The following EYS variants were observed in gnomAD, a reference collection of about 807,000 sequenced individuals.
EYS encodes the protein EGF-like photoreceptor maintenance factor.
EYS carries 250 observed loss-of-function variants against 282.1 expected under a neutral mutation model. The ratio of observed to expected loss-of-function variants is 0.89; its 90% CI spans 0.80 to 0.98. The LOEUF is 0.98. Among genes scored for constraint, EYS ranks in the 50% least tolerant of loss-of-function variants. The pLI is 0.00. For missense variants in EYS, 4,016 were observed against 3,709.0 expected (o/e 1.08, Z -2.15); for synonymous variants, 1,355 against 1,282.9 (o/e 1.06, Z -1.20).
chr6:64,598,419 C>T (rs1766656701), intron 24 of EYS, among the ~76,000 whole-genome samples: 2 of 152,208 alleles, frequency 1.3e-5, no homozygotes, highest in Admixed American at 1.3e-4. Flanking sequence ...CAAGATTGCG[C>T]CACTGCACTC....
chr6:64,632,041 A>G (rs1259736199), intron 22 of EYS, among the ~76,000 whole-genome samples: 2 of 142,840 alleles, frequency 1.4e-5, no homozygotes, highest in Non-Finnish European at 3.1e-5. Flanking sequence ...ATGTAGTTTA[A>G]TAATTGTCAA....
intron 15 of EYS, among the ~76,000 whole-genome samples, chr6:64,944,297 G>T (rs1175123765): frequency 6.6e-6 from 1 of 151,944 alleles, no homozygotes; most frequent in Non-Finnish European, 1.5e-5. Flanking sequence ...CACCATTCTG[G>T]ACATCAGCCT....
chr6:64,026,997 G>A (rs185797232), intron 33 of EYS, among the ~76,000 whole-genome samples: 6 of 152,292 alleles, frequency 3.9e-5, no homozygotes, highest in Non-Finnish European at 7.4e-5. Context: ...TCACGCTACC[G>A]TTAGATCAAA....
chr6:64,874,934 G>T (rs529243347), intron 19 of EYS, among the ~76,000 whole-genome samples: 1 of 152,108 alleles, frequency 6.6e-6, no homozygotes, highest in Admixed American at 6.6e-5. Context: ...GGCGAGCTGA[G>T]ATCACTCAGT....
In EYS at chr6:65,100,119, T is replaced by G. The variant is rs1267085838; in HGVS notation, c.2024-42392A>C. Among the ~76,000 whole-genome samples, 5 of 150,834 alleles carry G rather than the reference T, an allele frequency of 3.3e-5. No individual in the cohort carries two copies. The East Asian group carries it at 9.7e-4, about 29-fold the overall frequency. On this transcript the variant is annotated intron_variant, in intron 12 of 42. Transcript: ENST00000503581. ...CAATGAACCAGAGATGAAGGGCACC[T>G]AAGAAAAAAGTAACCCTATGACCTT...
At chr6:64,622,937 A>C (rs1034678983) in intron 23 of EYS, among the ~76,000 whole-genome samples, 1 of 152,172 alleles carries the variant, frequency 6.6e-6, no homozygotes, top group African/African-American at 2.4e-5. Context: ...TTTAGGAGAA[A>C]GCAAATTGCT....
At chr6:63,766,876 A>G (rs931127517) in intron 40 of EYS, among the ~76,000 whole-genome samples, 6 of 152,036 alleles carry the variant, frequency 3.9e-5, no homozygotes, top group South Asian at 4.1e-4. Flanking sequence ...AAGGGAAAAC[A>G]TAAAGAATCC....
intron 22 of EYS, among the ~76,000 whole-genome samples, chr6:64,691,715 A>G (rs1770391135): frequency 6.6e-6 from 1 of 152,068 alleles, no homozygotes; most frequent in South Asian, 2.1e-4. Flanking sequence ...TGTGTGTTCA[A>G]TGTTTAGCTC....
At chr6:64,982,104 T>TGGGTGTG (rs888674492) in intron 14 of EYS, among the ~76,000 whole-genome samples, 5 of 151,360 alleles carry the variant, frequency 3.3e-5, no homozygotes, top group Admixed American at 1.3e-4. Flanking sequence ...GCTTAATTAG[T>TGGGTGTG]GGGTGTGGCA....
intron 19 of EYS, among the ~76,000 whole-genome samples, chr6:64,829,102 A>C (rs1245185498): frequency 2.0e-5 from 3 of 152,000 alleles, no homozygotes; most frequent in African/African-American, 7.2e-5. Context: ...GCAAAATATA[A>C]GACTATCTGG....
chr6:63,903,757 C>G (rs1203916280), intron 35 of EYS, among the ~76,000 whole-genome samples: 2 of 152,068 alleles, frequency 1.3e-5, no homozygotes, highest in Non-Finnish European at 2.9e-5. Context: ...GTAGTCTTCC[C>G]CAATAGATAT....
chr6:65,410,857 A>C (rs2150369697), intron 5 of EYS, among the ~76,000 whole-genome samples: 1 of 152,100 alleles, frequency 6.6e-6, no homozygotes, highest in South Asian at 2.1e-4. Flanking sequence ...ATAGTATACT[A>C]TTCAGCCATA....
At chr6:63,807,060 G>A (rs1484291174) in intron 36 of EYS, among the ~76,000 whole-genome samples, 1 of 152,028 alleles carries the variant, frequency 6.6e-6, no homozygotes, top group Non-Finnish European at 1.5e-5. Context: ...TCAAGGGCCA[G>A]TGTGAACAAA....
At chr6:65,040,571 A>G (rs372880663) in intron 13 of EYS, among the ~76,000 whole-genome samples, 4 of 151,628 alleles carry the variant, frequency 2.6e-5, no homozygotes, top group Admixed American at 2.0e-4. Context: ...GAGGGTTAGA[A>G]CTTTAAAATG....
At chr6:64,405,791 A>G (rs1450399894) in intron 28 of EYS, among the ~76,000 whole-genome samples, 1 of 152,218 alleles carries the variant, frequency 6.6e-6, no homozygotes, top group African/African-American at 2.4e-5. Context: ...GACCTCAAGG[A>G]GAACTACAAA....
intron 14 of EYS, among the ~76,000 whole-genome samples, chr6:64,983,995 A>G (rs1330758824): frequency 6.6e-6 from 1 of 151,372 alleles, no homozygotes; most frequent in Non-Finnish European, 1.5e-5. Context: ...GGCAGAGACT[A>G]CTCAACTCCA....
chr6:63,982,756 C>A (rs1282122795), intron 35 of EYS, among the ~76,000 whole-genome samples: 3 of 151,690 alleles, frequency 2.0e-5, no homozygotes, highest in Non-Finnish European at 4.4e-5. Flanking sequence ...TGAACAATAA[C>A]AGGAGGGGGA....
intron 12 of EYS, among the ~76,000 whole-genome samples, chr6:65,068,126 A>G (rs867402269): frequency 3.9e-5 from 6 of 152,074 alleles, no homozygotes; most frequent in Admixed American, 3.9e-4. Flanking sequence ...TATACTAAAG[A>G]TTTTATTGCC....
intron 2 of EYS, among the ~76,000 whole-genome samples, chr6:65,623,840 T>G (rs1766607541): frequency 1.3e-5 from 2 of 152,230 alleles, no homozygotes; most frequent in Non-Finnish European, 2.9e-5. Flanking sequence ...AGACAATTGG[T>G]ATTTTCTCTG....
Sources: gnomAD v4.1 joint callset for allele counts (sites outside exome capture counted in the v4.1 genomes callset) on GRCh38, gnomAD v4.1.1 for gene constraint, MANE v1.5 for transcripts, NCBI Gene and HGNC (gene_info 2026-07-23, HGNC 2026-07-21) for gene names.